Variants in GSG1L observed in about 807,000 individuals in gnomAD.
GSG1L encodes the protein germ cell-specific gene 1-like protein.
Under a neutral mutation model 42.1 loss-of-function variants are expected in GSG1L, and 24 were observed. The observed-to-expected ratio is 0.57, with a 90% CI of 0.41 to 0.80. The LOEUF is 0.80. Ranked by LOEUF, GSG1L falls within the 30% of genes least tolerant of loss-of-function variation. The probability of loss-of-function intolerance (pLI) is 0.00; values close to 1 mark genes in which losing one functional copy is unlikely to be tolerated. For synonymous variants in GSG1L, 215 were observed against 203.5 expected, an observed-to-expected ratio of 1.06 and a Z score of -0.48; for missense variants, 445 against 472.2, an observed-to-expected ratio of 0.94 and a Z score of 0.53.
chr16:27,822,238 C>A (rs9929323), intron 5 of GSG1L, among the ~76,000 whole-genome samples: 2 of 152,104 alleles, frequency 1.3e-5, no homozygotes, highest in African/African-American at 2.4e-5. Context: ...AGAGGTGAAG[C>A]GAGTTACCTG....
intron 1 of GSG1L, among the ~76,000 whole-genome samples, chr16:28,009,182 C>T (rs1480585832): frequency 1.3e-5 from 2 of 152,194 alleles, no homozygotes; most frequent in Non-Finnish European, 2.9e-5. Flanking sequence ...CCTCCCTGCT[C>T]TTTCCCCGAC....
At chr16:27,905,319 CTTT>C (rs539377057) in intron 2 of GSG1L, among the ~76,000 whole-genome samples, 1 of 132,590 alleles carries the variant, frequency 7.5e-6, no homozygotes, top group Admixed American at 7.7e-5. Context: ...ATGCCAGAAT[CTTT>C]TTTTTTTTTT....
At chr16:27,972,853 TA>T (rs1308585824) in intron 1 of GSG1L, among the ~76,000 whole-genome samples, 4 of 152,214 alleles carry the variant, frequency 2.6e-5, no homozygotes, top group Non-Finnish European at 5.9e-5. Flanking sequence ...CACAGCCTAT[TA>T]AAAATATCCT....
chr16:28,009,052 G>T (rs540617136), intron 1 of GSG1L, among the ~76,000 whole-genome samples: 5 of 152,030 alleles, frequency 3.3e-5, no homozygotes, highest in Admixed American at 3.3e-4. Context: ...CAAGTGATCC[G>T]CCCGCCTTGG....
At chr16:27,960,006 T>C (rs916274337) in intron 2 of GSG1L, among the ~76,000 whole-genome samples, 3 of 147,146 alleles carry the variant, frequency 2.0e-5, no homozygotes, top group Admixed American at 1.4e-4. Context: ...GATGGACAAA[T>C]ATTTTGCCAG....
At chr16:27,960,892 G>C (rs2085062715) in intron 2 of GSG1L, among the ~76,000 whole-genome samples, 3 of 151,880 alleles carry the variant, frequency 2.0e-5, no homozygotes, top group Admixed American at 6.6e-5. Flanking sequence ...CGGTGTGGCT[G>C]CCAAGCCCTA....
chr16:27,896,894 C>T (rs1049972002), intron 2 of GSG1L, among the ~76,000 whole-genome samples: 130 of 152,356 alleles, frequency 8.5e-4, no homozygotes, highest in African/African-American at 2.8e-3. Flanking sequence ...GACAGATTCT[C>T]GCTCTGCTGC....
intron 2 of GSG1L, among the ~76,000 whole-genome samples, chr16:27,959,500 CG>C (rs1334688018): frequency 1.1e-5 from 1 of 87,452 alleles, no homozygotes; most frequent in Non-Finnish European, 2.0e-5. Flanking sequence ...CGAGACAAGA[CG>C]GGAAGGGAGG....
At chr16:27,821,953 T>G (rs1596534729) in intron 5 of GSG1L, among the ~76,000 whole-genome samples, 1 of 151,784 alleles carries the variant, frequency 6.6e-6, no homozygotes, top group African/African-American at 2.4e-5. Flanking sequence ...GAAACCACCA[T>G]GCAAGCTAAA....
intron 1 of GSG1L, among the ~76,000 whole-genome samples, chr16:28,015,426 GC>G (rs1170868864): frequency 6.6e-6 from 1 of 152,176 alleles, no homozygotes; most frequent in East Asian, 1.9e-4. Context: ...GATCACTTCA[GC>G]CCAGGAATTC....
At chr16:27,901,660 G>A (rs1056886732) in intron 2 of GSG1L, among the ~76,000 whole-genome samples, 6 of 152,204 alleles carry the variant, frequency 3.9e-5, no homozygotes, top group Admixed American at 6.5e-5. Context: ...GCCCCAGGTC[G>A]TTCAGATGCA....
chr16:27,883,915 C>A (rs9940743), intron 3 of GSG1L, among the ~76,000 whole-genome samples: 1 of 152,182 alleles, frequency 6.6e-6, no homozygotes, highest in Non-Finnish European at 1.5e-5. Flanking sequence ...CCCTCAAAAT[C>A]GCTGGCTCTG....
At chr16:27,948,089 C>T (rs1024738108) in intron 2 of GSG1L, among the ~76,000 whole-genome samples, 2 of 152,164 alleles carry the variant, frequency 1.3e-5, no homozygotes, top group Non-Finnish European at 1.5e-5. Flanking sequence ...CACTCCTTAC[C>T]CCCCTTGCTG....
intron 2 of GSG1L, among the ~76,000 whole-genome samples, chr16:27,947,384 A>AAAAGAAAGAAAGAAAGAAAGAAAGAAAG (rs199991139): frequency 1.2e-4 from 16 of 130,678 alleles, no homozygotes; most frequent in South Asian, 5.0e-4. Context: ...GAAAGAAAGA[A>AAAAGAAAGAAAGAAAGAAAGAAAGAAAG]AAAGAAAGAA....
In GSG1L at chr16:27,940,316, C is replaced by T. The variant is rs550695821; in HGVS notation, c.397+22840G>A. Among the ~76,000 whole-genome samples, 167 of 149,562 alleles carry T rather than the reference C, an allele frequency of 1.1e-3. 2 individuals are homozygous for T. Among genetic ancestry groups the T allele is most frequent in the Non-Finnish European group, 7.9e-4 (53 of 67,230 alleles). ...GTGGCGATTCCTCAGGGATCTAGAA[C>T]TAGAAATACCATTTGACCCAGCCAT... On this transcript the variant is annotated intron_variant, in intron 2 of 6. Transcript: ENST00000447459.
chr16:27,845,214 C>T (rs953741374), intron 3 of GSG1L, among the ~76,000 whole-genome samples, 153 bp from the exon 4 acceptor site: 1 of 152,176 alleles, frequency 6.6e-6, no homozygotes, highest in Non-Finnish European at 1.5e-5. Flanking sequence ...AGGAACAGAG[C>T]TTGGGAGGCC....
intron 3 of GSG1L, among the ~76,000 whole-genome samples, chr16:27,877,671 C>A (rs910705676): frequency 2.0e-5 from 3 of 152,098 alleles, no homozygotes; most frequent in African/African-American, 7.2e-5. Flanking sequence ...GGGGAGACAG[C>A]CTTGACCCTT....
At chr16:27,936,828 C>A (rs147506915) in intron 2 of GSG1L, among the ~76,000 whole-genome samples, 76 of 152,300 alleles carry the variant, frequency 5.0e-4, no homozygotes, top group Non-Finnish European at 3.2e-4. Flanking sequence ...GTCATTAGTT[C>A]CATTTGCAAG....
intron 5 of GSG1L, among the ~76,000 whole-genome samples, chr16:27,826,993 T>G (rs1475265443): frequency 6.6e-6 from 1 of 152,144 alleles, no homozygotes; most frequent in African/African-American, 2.4e-5. Context: ...TTTTCTTCAT[T>G]CTAGGAAAGA....
Sources: allele counts gnomAD v4.1 joint callset (sites outside exome capture counted in the v4.1 genomes callset), GRCh38; gene constraint gnomAD v4.1.1; transcripts MANE v1.5; gene names NCBI Gene and HGNC (gene_info 2026-07-23, HGNC 2026-07-21).